KLRG1: variants seen among roughly 807,000 people sequenced by gnomAD.
KLRG1 encodes killer cell lectin like receptor G1, also known as killer cell lectin-like receptor subfamily G member 1.
Under a neutral mutation model 21.8 loss-of-function variants are expected in KLRG1, and 16 were observed. The ratio of observed to expected loss-of-function variants is 0.73; its 90% confidence interval spans 0.50 to 1.11. KLRG1 has a LOEUF of 1.11. Among genes scored for constraint, KLRG1 ranks in the 50% most tolerant of loss-of-function variants. KLRG1 has a pLI of 0.00. For synonymous variants in KLRG1, 69 were observed against 75.9 expected, an observed-to-expected ratio of 0.91 and a Z score of 0.47; for missense variants, 173 against 218.3, an observed-to-expected ratio of 0.79 and a Z score of 1.31.
At chr12:9,133,492 A>G in the KLRG1 span, among the ~76,000 whole-genome samples, 1 of 152,264 alleles carries the variant, frequency 6.6e-6, no homozygotes, top group Non-Finnish European at 1.5e-5. Flanking sequence ...AATAAATTAA[A>G]TAAGGTAATT....
At chr12:9,163,558 C>A in the KLRG1 span, 1 of 1,258,150 alleles carries the variant, frequency 7.9e-7, no homozygotes, top group South Asian at 1.6e-5. Flanking sequence ...TTCCATTAGT[C>A]TTACAGGATG....
At chr12:9,196,629 T>C in the KLRG1 span, 1 of 1,613,972 alleles carries the variant, frequency 6.2e-7, no homozygotes, top group Non-Finnish European at 8.5e-7. Context: ...AGCCCGTATT[T>C]GTAATCTGGA....
the KLRG1 span, among the ~76,000 whole-genome samples, chr12:9,114,041 T>C: frequency 2.6e-5 from 4 of 152,196 alleles, no homozygotes; most frequent in African/African-American, 7.2e-5. Context: ...TCCACAGATA[T>C]GGAATCTGAG....
chr12:9,176,313 G>C, the KLRG1 span, among the ~76,000 whole-genome samples: 2 of 152,174 alleles, frequency 1.3e-5, no homozygotes, highest in East Asian at 3.9e-4. Context: ...AGGGTGTGGG[G>C]AGGGAGAGCA....
chr12:8,982,524 C>A (rs934170368), intron 1 of KLRG1, among the ~76,000 whole-genome samples: 1 of 152,166 alleles, frequency 6.6e-6, no homozygotes, highest in Admixed American at 6.5e-5. Context: ...AACTAACACA[C>A]CACTCCAGGT....
chr12:9,142,016 A>AT, the KLRG1 span, among the ~76,000 whole-genome samples: 1 of 152,098 alleles, frequency 6.6e-6, no homozygotes, highest in East Asian at 1.9e-4. Context: ...CCTTTTATAA[A>AT]TTTTTTCATG....
chr12:9,186,065 C>G, the KLRG1 span, among the ~76,000 whole-genome samples: 2 of 152,010 alleles, frequency 1.3e-5, no homozygotes, highest in African/African-American at 2.4e-5. Flanking sequence ...CTTGACCCCC[C>G]AAAGTGCTGG....
chr12:9,184,480 A>G, the KLRG1 span, among the ~76,000 whole-genome samples: 2 of 152,216 alleles, frequency 1.3e-5, no homozygotes, highest in Non-Finnish European at 2.9e-5. Flanking sequence ...CCTGAGTCAT[A>G]CTGCCATGAT....
the KLRG1 span, among the ~76,000 whole-genome samples, chr12:9,097,000 A>G: frequency 8.5e-5 from 13 of 152,222 alleles, 1 homozygote; most frequent in Non-Finnish European, 1.2e-4. Context: ...AAGCTTGAGA[A>G]GAGTTGGTGT....
At chr12:9,013,138 A>C (rs1269356866), downstream of KLRG1, among the ~76,000 whole-genome samples, 1 of 152,210 alleles carries the variant, frequency 6.6e-6, no homozygotes, top group African/African-American at 2.4e-5. Flanking sequence ...CAAGAGTCAC[A>C]GTGTTACTGG....
the KLRG1 span, chr12:9,068,320 T>C: frequency 7.8e-7 from 1 of 1,279,954 alleles, no homozygotes; most frequent in South Asian, 1.3e-5. Flanking sequence ...AAGGAGTTTG[T>C]TGTGGGAAGA....
intron 4 of KLRG1, among the ~76,000 whole-genome samples, 171 bp from the exon 5 acceptor site, chr12:9,009,254 AG>A (rs1947573305): frequency 6.6e-6 from 1 of 150,878 alleles, no homozygotes; most frequent in South Asian, 2.1e-4. Context: ...AAAAAAAAAA[AG>A]GATAACATTT....
At chr12:9,098,438 A>C in the KLRG1 span, 1 of 416,836 alleles carries the variant, frequency 2.4e-6, no homozygotes, top group Non-Finnish European at 4.0e-6. Flanking sequence ...AGTTATATAT[A>C]TATATATATA....
the KLRG1 span, among the ~76,000 whole-genome samples, chr12:9,107,061 C>A: frequency 6.6e-6 from 1 of 152,130 alleles, no homozygotes; most frequent in Non-Finnish European, 1.5e-5. Context: ...AGTACATCTG[C>A]TCTTGACCAT....
chr12:9,020,492 G>T, the KLRG1 span, among the ~76,000 whole-genome samples: 2 of 152,050 alleles, frequency 1.3e-5, no homozygotes, highest in Non-Finnish European at 2.9e-5. Flanking sequence ...GAGTTTTACA[G>T]TACATAGAGT....
At chr12:9,192,521 G>A in the KLRG1 span, 2 of 1,612,668 alleles carry the variant, frequency 1.2e-6, no homozygotes, top group Non-Finnish European at 1.7e-6. Context: ...CCAGGTAATG[G>A]AAACTGAGCT....
chr12:9,144,698 G>A, the KLRG1 span, among the ~76,000 whole-genome samples: 4 of 152,174 alleles, frequency 2.6e-5, no homozygotes, highest in Non-Finnish European at 5.9e-5. Flanking sequence ...GGCTTGGAAT[G>A]TTTCTGTGTG....
chr12:9,158,405 T>A, the KLRG1 span: 1 of 1,613,906 alleles, frequency 6.2e-7, no homozygotes, highest in Non-Finnish European at 8.5e-7. Context: ...CTCAGAAGTT[T>A]GTGGAACAGT....
At chr12:9,109,352 C>T in the KLRG1 span, 1 of 1,613,404 alleles carries the variant, frequency 6.2e-7, no homozygotes, top group South Asian at 1.1e-5. Context: ...ATCTCTTCTT[C>T]CAAGATGGTG....
Sources: gnomAD v4.1 joint callset for allele counts (sites outside exome capture counted in the v4.1 genomes callset) on GRCh38, gnomAD v4.1.1 for gene constraint, MANE v1.5 for transcripts, NCBI Gene and HGNC (gene_info 2026-07-23, HGNC 2026-07-21) for gene names.